The following KCNT2 variants were observed in gnomAD, a reference collection of about 807,000 sequenced individuals.
KCNT2 encodes potassium sodium-activated channel subfamily T member 2.
A neutral mutation model predicts 153.8 loss-of-function variants in KCNT2; 67 were observed. That is an observed-to-expected ratio of 0.44 (90% CI 0.36 to 0.53). The LOEUF (loss-of-function observed/expected upper bound fraction) is 0.53. Among genes scored for constraint, KCNT2 ranks in the 20% least tolerant of loss-of-function variants. The probability of loss-of-function intolerance (pLI) is 0.00; values close to 1 mark genes in which losing one functional copy is unlikely to be tolerated. For missense variants in KCNT2, 975 were observed against 1,354.8 expected, an observed-to-expected ratio of 0.72 and a Z score of 4.40; for synonymous variants, 500 against 458.8, an observed-to-expected ratio of 1.09 and a Z score of -1.15.
chr1:196,602,547 A>G (rs1264078181), intron 1 of KCNT2, among the ~76,000 whole-genome samples: 1 of 152,202 alleles, frequency 6.6e-6, no homozygotes, highest in East Asian at 1.9e-4. Flanking sequence ...AAGTGGCTAT[A>G]TGATAGCTGT....
intron 14 of KCNT2, among the ~76,000 whole-genome samples, chr1:196,352,553 T>C (rs1666815272): frequency 6.6e-6 from 1 of 152,052 alleles, no homozygotes; most frequent in African/African-American, 2.4e-5. Context: ...GTGGTGATAT[T>C]CCCTTTATCA....
intron 23 of KCNT2, among the ~76,000 whole-genome samples, chr1:196,284,259 A>G (rs1471807923): frequency 1.4e-5 from 1 of 70,242 alleles, no homozygotes; most frequent in African/African-American, 3.7e-5. Flanking sequence ...ATATATATAT[A>G]TATATATATA....
At chr1:196,505,924 C>T (rs942171870) in intron 1 of KCNT2, among the ~76,000 whole-genome samples, 36 of 151,948 alleles carry the variant, frequency 2.4e-4, no homozygotes, top group African/African-American at 7.5e-4. Context: ...GATTTTTGTA[C>T]GTTGATTTTG....
chr1:196,407,205 CAATTT>C (rs1671898224), intron 12 of KCNT2, among the ~76,000 whole-genome samples: 1 of 151,370 alleles, frequency 6.6e-6, no homozygotes, highest in South Asian at 2.1e-4. Context: ...TCTAGTTACT[CAATTT>C]AACATAGTCA....
intron 19 of KCNT2, among the ~76,000 whole-genome samples, chr1:196,324,323 T>C (rs1319403564): frequency 1.3e-5 from 2 of 152,022 alleles, no homozygotes; most frequent in East Asian, 3.9e-4. Flanking sequence ...TTTTCATATA[T>C]GAAAACCCTG....
chr1:196,546,688 C>A (rs1476174313), intron 1 of KCNT2, among the ~76,000 whole-genome samples: 1 of 151,048 alleles, frequency 6.6e-6, no homozygotes, highest in Non-Finnish European at 1.5e-5. Flanking sequence ...TGTGGTGAAA[C>A]AGAAGTCAAG....
At chr1:196,602,948 G>C (rs535422315) in intron 1 of KCNT2, among the ~76,000 whole-genome samples, 1 of 150,386 alleles carries the variant, frequency 6.6e-6, no homozygotes, top group Non-Finnish European at 1.5e-5. Flanking sequence ...CACCGCGCCC[G>C]GCTAATTTTT....
rs550651177 is a variant in KCNT2 at position 196,564,557 on chromosome 1, A to G, written c.95+43658T>C. 3.3e-5 allele frequency among the ~76,000 whole-genome samples: 5 copies of G among 152,052 alleles called. No individual in the cohort carries two copies. The South Asian group carries it at 6.2e-4, about 19-fold the overall frequency. On this transcript the variant is annotated intron_variant, in intron 1 of 27. Coordinates refer to ENST00000294725, the MANE Select transcript of KCNT2 (RefSeq NM_198503.5). ...AAAAGTCAACTCAATCTTCAGCAAA[A>G]AGAAAAAAAGTCAAAGGAACCACAC...
Position 196,398,598 on chromosome 1 carries a change from A to G in KCNT2, c.1259T>C (p.Leu420Ser). 1.2e-6 allele frequency: 2 copies of G among 1,605,614 alleles called. No homozygotes were observed. Among genetic ancestry groups the G allele is most frequent in the Non-Finnish European group, 8.5e-7 (1 of 1,174,424 alleles). Residue 420 changes from leucine (L) to serine (S), a missense_variant, in exon 13 of 28, where the codon TTA (leucine) becomes TCA (serine). Leu to Ser is a moderately radical substitution (Grantham distance 145). Around this residue, in one of 6 missense-constraint regions of KCNT2, gnomAD observed 202 missense variants for 314.9 expected, o/e 0.64. Transcript: ENST00000294725. ...GATGTGAAATTTATTTTCAGGCTTT[A>G]ATATCTGGACATACAAAGGACAATT... ...APNCPLYVQILKPENKFHIKF... is the reference protein window; with the variant it reads ...APNCPLYVQISKPENKFHIKF...
intron 14 of KCNT2, among the ~76,000 whole-genome samples, chr1:196,349,739 G>A (rs1041426834): frequency 6.7e-6 from 1 of 150,186 alleles, no homozygotes; most frequent in African/African-American, 2.5e-5. Flanking sequence ...TAAGTTTTAG[G>A]GTACATGTGC....
At chr1:196,269,276 G>A (rs207460965) in intron 25 of KCNT2, among the ~76,000 whole-genome samples, 3 of 152,090 alleles carry the variant, frequency 2.0e-5, no homozygotes, top group Non-Finnish European at 4.4e-5. Flanking sequence ...TAATAAAAAC[G>A]TAGGCATGAT....
chr1:196,601,396 G>C (rs1253664373), intron 1 of KCNT2, among the ~76,000 whole-genome samples: 1 of 152,140 alleles, frequency 6.6e-6, no homozygotes, highest in Non-Finnish European at 1.5e-5. Context: ...TTCCACTACT[G>C]TAAAATCATT....
intron 17 of KCNT2, 143 bp downstream of exon 17, chr1:196,333,704 G>A: frequency 3.3e-6 from 2 of 612,272 alleles, no homozygotes; most frequent in East Asian, 2.8e-5. Context: ...GTGCGTTTTG[G>A]TAGAAGTATA....
chr1:196,467,508 T>A (rs1677726845), intron 7 of KCNT2, among the ~76,000 whole-genome samples, 195 bp downstream of exon 7: 1 of 152,004 alleles, frequency 6.6e-6, no homozygotes, highest in South Asian at 2.1e-4. Flanking sequence ...TTAAAAGATG[T>A]TTAAAAATGA....
chr1:196,544,517 C>G (rs1400973480), intron 1 of KCNT2, among the ~76,000 whole-genome samples: 2 of 151,912 alleles, frequency 1.3e-5, no homozygotes, highest in African/African-American at 4.8e-5. Context: ...ATAATATATA[C>G]TTCAACTTCT....
chr1:196,506,514 C>A (rs551875330), intron 1 of KCNT2, among the ~76,000 whole-genome samples: 1 of 152,170 alleles, frequency 6.6e-6, no homozygotes, highest in South Asian at 2.1e-4. Context: ...TTATTGGAGA[C>A]AATAATTAAT....
chr1:196,320,672 C>T (rs190953654), intron 19 of KCNT2, among the ~76,000 whole-genome samples: 3 of 150,534 alleles, frequency 2.0e-5, no homozygotes, highest in Admixed American at 2.0e-4. Context: ...GCTCTTTACA[C>T]TCTGAAGAAA....
intron 8 of KCNT2, among the ~76,000 whole-genome samples, chr1:196,445,252 A>G (rs533389862): frequency 2.6e-4 from 40 of 151,510 alleles, no homozygotes; most frequent in African/African-American, 9.2e-4. Flanking sequence ...ATGTCCTTGC[A>G]CATGTGAAAT....
At chr1:196,527,714 G>A (rs1654419424) in intron 1 of KCNT2, among the ~76,000 whole-genome samples, 1 of 152,110 alleles carries the variant, frequency 6.6e-6, no homozygotes, top group African/African-American at 2.4e-5. Context: ...AAAATATGAA[G>A]TTACCATTTG....
Sources: gnomAD v4.1 joint callset for allele counts (sites outside exome capture counted in the v4.1 genomes callset) on GRCh38, gnomAD v4.1.1 for gene constraint, gnomAD v4.1.1 regional missense constraint, MANE v1.5 for transcripts, NCBI Gene and HGNC (gene_info 2026-07-23, HGNC 2026-07-21) for gene names.